The following DIAPH2 variants were observed in gnomAD, a reference collection of about 807,000 sequenced individuals.
The protein encoded by DIAPH2 is diaphanous related formin 2.
DIAPH2 carries 35 observed loss-of-function variants against 92.7 expected under a neutral mutation model. The observed-to-expected ratio is 0.38, with a 90% CI of 0.29 to 0.50. DIAPH2 has a LOEUF of 0.50. Among genes scored for constraint, DIAPH2 ranks in the 20% least tolerant of loss-of-function variants. The probability of loss-of-function intolerance (pLI) is 0.94; values close to 1 mark genes in which losing one functional copy is unlikely to be tolerated. For synonymous variants in DIAPH2, 301 were observed against 280.4 expected (o/e 1.07, Z -0.73); for missense variants, 701 against 819.5 (o/e 0.86, Z 1.77).
intron 22 of DIAPH2, among the ~76,000 whole-genome samples, chrX:97,187,281 C>CTTTTTTGTTT (rs2067613463): frequency 2.7e-5 from 1 of 36,889 alleles, no homozygotes; most frequent in Non-Finnish European, 4.4e-5. Context: ...ATTAAGTAGC[C>CTTTTTTGTTT]TTTTTTTTTT....
At chrX:97,476,965 A>T (rs2070610647) in intron 26 of DIAPH2, among the ~76,000 whole-genome samples, 1 of 57,885 alleles carries the variant, frequency 1.7e-5, no homozygotes, top group Non-Finnish European at 3.2e-5. Context: ...AAAAAAAAAA[A>T]AAAATATATA....
chrX:97,491,479 C>T (rs909608295), intron 26 of DIAPH2, among the ~76,000 whole-genome samples: 1 of 111,110 alleles, frequency 9.0e-6, no homozygotes, highest in African/African-American at 3.3e-5. Flanking sequence ...GGTGCGATCT[C>T]GGCTCATGGC....
At chrX:97,272,208 A>G (rs1354517337) in intron 23 of DIAPH2, among the ~76,000 whole-genome samples, 1 of 110,328 alleles carries the variant, frequency 9.1e-6, no homozygotes, top group Non-Finnish European at 1.9e-5. Context: ...TATCTTGGCC[A>G]GGTTGGTCTC....
chrX:97,120,302 C>T (rs2067047123), intron 21 of DIAPH2, among the ~76,000 whole-genome samples: 1 of 110,639 alleles, frequency 9.0e-6, no homozygotes, highest in Non-Finnish European at 1.9e-5. Flanking sequence ...CTCCCTCAAA[C>T]TAGACCTTCG....
rs751718285 is a variant in DIAPH2, at chrX:96,912,623, G to T, written c.732+71G>T. ...GCCCAACACTATGAAAGTATGAAAT[G>T]AACAAAATATTTTTTTATTATTTTT... On this transcript the variant is annotated intron_variant, in intron 7 of 26. Transcript: ENST00000324765. 7.8e-6 allele frequency: 8 copies of T among 1,030,738 alleles called. No individual in the cohort carries two copies. In the African/African-American group the frequency reaches 1.6e-4, roughly 20 times the overall value. 84.9% of individuals were successfully genotyped at this position (1,030,738 alleles called of 1,213,427 possible). A position where few individuals can be genotyped will look rare whatever the true frequency, so the allele number is the denominator to read the frequency against.
At chrX:97,184,238 A>C (rs925148361) in intron 22 of DIAPH2, among the ~76,000 whole-genome samples, 7 of 111,279 alleles carry the variant, frequency 6.3e-5, no homozygotes, top group African/African-American at 2.3e-4. Flanking sequence ...CTCAATTCTC[A>C]ATTTGGAAAC....
chrX:97,345,783 C>G (rs1161809840), intron 23 of DIAPH2, among the ~76,000 whole-genome samples: 1 of 110,558 alleles, frequency 9.0e-6, no homozygotes, highest in African/African-American at 3.3e-5. Flanking sequence ...GTCCACTTAC[C>G]TTTTTCTAAA....
intron 9 of DIAPH2, among the ~76,000 whole-genome samples, chrX:96,927,275 G>A (rs1425577784): frequency 1.1e-5 from 1 of 90,659 alleles, no homozygotes; most frequent in Non-Finnish European, 2.2e-5. Context: ...TCTGTCTCTG[G>A]AGTTGAATTT....
intron 15 of DIAPH2, chrX:96,954,214 T>C (rs2065795262): frequency 8.9e-6 from 1 of 111,807 alleles, no homozygotes; most frequent in South Asian, 3.8e-4. Context: ...CCTTAATTAG[T>C]TTTAAACGTT....
intron 22 of DIAPH2, among the ~76,000 whole-genome samples, chrX:97,206,454 G>A (rs1242621233): frequency 4.5e-5 from 5 of 112,079 alleles, no homozygotes; most frequent in Admixed American, 2.8e-4. Context: ...GAATGATTGT[G>A]AATATAGTTA....
chrX:97,526,984 A>G (rs1177075412), intron 26 of DIAPH2, among the ~76,000 whole-genome samples: 1 of 111,626 alleles, frequency 9.0e-6, no homozygotes, highest in African/African-American at 3.3e-5. Flanking sequence ...TCCTAGCCCC[A>G]ACCCTGCAAA....
At chrX:97,252,309 C>T (rs1280669112) in intron 23 of DIAPH2, among the ~76,000 whole-genome samples, 1 of 111,282 alleles carries the variant, frequency 9.0e-6, no homozygotes, top group Non-Finnish European at 1.9e-5. Context: ...AGCAGGGGCA[C>T]CATTAACACA....
intron 17 of DIAPH2, among the ~76,000 whole-genome samples, chrX:97,063,267 TGAGA>T (rs941151066): frequency 7.3e-5 from 6 of 82,109 alleles, no homozygotes; most frequent in Non-Finnish European, 1.6e-4. Flanking sequence ...ACAAACAAAT[TGAGA>T]GACTCAGTAA....
At chrX:96,731,508 C>T (rs747842930) in intron 1 of DIAPH2, among the ~76,000 whole-genome samples, 8 of 111,671 alleles carry the variant, frequency 7.2e-5, no homozygotes, top group African/African-American at 2.6e-4. Flanking sequence ...AGTAATTGCA[C>T]GATGTTTATA....
intron 5 of DIAPH2, among the ~76,000 whole-genome samples, chrX:96,904,505 G>A (rs746639857): frequency 9.0e-6 from 1 of 111,476 alleles, no homozygotes; most frequent in South Asian, 3.7e-4. Flanking sequence ...ACAAATCCAC[G>A]TATATATTAT....
chrX:97,168,298 G>A (rs749033129), intron 22 of DIAPH2, among the ~76,000 whole-genome samples: 1 of 109,440 alleles, frequency 9.1e-6, no homozygotes, highest in South Asian at 4.0e-4. Context: ...ATGTTGGCCA[G>A]GCTGGTCTCG....
chrX:97,423,882 T>C (rs2070035763), intron 25 of DIAPH2, among the ~76,000 whole-genome samples: 2 of 112,066 alleles, frequency 1.8e-5, no homozygotes, highest in African/African-American at 6.5e-5. Flanking sequence ...TAAACAATTT[T>C]TTTTCTTGAG....
At chrX:96,933,564 A>G (rs1183617367) in intron 10 of DIAPH2, among the ~76,000 whole-genome samples, 1 of 102,970 alleles carries the variant, frequency 9.7e-6, no homozygotes, top group East Asian at 2.9e-4. Flanking sequence ...GTGTGTGTAT[A>G]TATATATATA....
chrX:97,562,733 C>T (rs1384119094), intron 26 of DIAPH2, among the ~76,000 whole-genome samples: 1 of 111,320 alleles, frequency 9.0e-6, no homozygotes, highest in Non-Finnish European at 1.9e-5. Context: ...CAGGACAGAA[C>T]TTAAAACTAA....
Sources: allele counts gnomAD v4.1 joint callset (sites outside exome capture counted in the v4.1 genomes callset), GRCh38; gene constraint gnomAD v4.1.1; transcripts MANE v1.5; gene names NCBI Gene and HGNC (gene_info 2026-07-23, HGNC 2026-07-21).